The following MACROD2 variants were observed in gnomAD, a reference collection of about 807,000 sequenced individuals.
The protein encoded by MACROD2 is ADP-ribose glycohydrolase MACROD2.
Under a neutral mutation model 70.4 loss-of-function variants are expected in MACROD2, and 36 were observed. The observed-to-expected ratio is 0.51, with a 90% CI of 0.39 to 0.68. The LOEUF (loss-of-function observed/expected upper bound fraction) is 0.68, where lower values mean the gene tolerates loss of function less well. Ranked by LOEUF, MACROD2 falls within the 30% of genes least tolerant of loss-of-function variation. The pLI, the probability that MACROD2 is intolerant of heterozygous loss-of-function variation, is 0.00. For synonymous variants in MACROD2, 172 were observed against 178.8 expected, an observed-to-expected ratio of 0.96 and a Z score of 0.30; for missense variants, 496 against 538.4, an observed-to-expected ratio of 0.92 and a Z score of 0.78.
In MACROD2 at chr20:15,222,265, C is replaced by T. The variant is rs1007039074; in HGVS notation, c.419-7675C>T. Among the ~76,000 whole-genome samples the T allele has an allele frequency of 1.3e-4, 20 of 152,170 alleles. No homozygotes were observed. In the East Asian group the frequency reaches 2.9e-3, roughly 22 times the overall value. On this transcript the variant is annotated intron_variant, in intron 5 of 17. Transcript: ENST00000684519. ...TGAAGTACATTTTCAATGATATCTT[C>T]GGCAGATTGAAAAGGAACATCTTAT...
At chr20:14,260,880 G>T (rs2082096100) in intron 3 of MACROD2, among the ~76,000 whole-genome samples, 1 of 152,160 alleles carries the variant, frequency 6.6e-6, no homozygotes, top group Non-Finnish European at 1.5e-5. Flanking sequence ...ACTTTATGTG[G>T]AAGGCCTATT....
At chr20:14,402,494 G>A (rs1159165652) in intron 3 of MACROD2, among the ~76,000 whole-genome samples, 1 of 151,930 alleles carries the variant, frequency 6.6e-6, no homozygotes, top group Non-Finnish European at 1.5e-5. Flanking sequence ...CATCATAGGG[G>A]AAATGTATGT....
At chr20:15,403,455 G>A (rs2045957625) in intron 6 of MACROD2, among the ~76,000 whole-genome samples, 2 of 139,610 alleles carry the variant, frequency 1.4e-5, no homozygotes. Context: ...GGAGGAGGAG[G>A]AGAGAGATTG....
chr20:15,353,160 G>C (rs1180002621), intron 6 of MACROD2, among the ~76,000 whole-genome samples: 1 of 150,566 alleles, frequency 6.6e-6, no homozygotes, highest in Non-Finnish European at 1.5e-5. Flanking sequence ...CAGAGATATA[G>C]ATCAATGGAA....
chr20:15,531,809 A>C (rs1384446335), intron 8 of MACROD2, among the ~76,000 whole-genome samples: 1 of 152,164 alleles, frequency 6.6e-6, no homozygotes, highest in African/African-American at 2.4e-5. Flanking sequence ...TTCACTAAAG[A>C]AATATCTAAA....
At chr20:14,211,880 T>A (rs982344069) in intron 3 of MACROD2, among the ~76,000 whole-genome samples, 1 of 152,132 alleles carries the variant, frequency 6.6e-6, no homozygotes, top group African/African-American at 2.4e-5. Flanking sequence ...TAGCTTCAGG[T>A]TATCAAGCTA....
intron 6 of MACROD2, among the ~76,000 whole-genome samples, chr20:15,262,130 A>C (rs983808535): frequency 6.6e-6 from 1 of 151,988 alleles, no homozygotes; most frequent in Non-Finnish European, 1.5e-5. Context: ...ATGCTATCAA[A>C]TACTAGATCT....
Position 15,731,759 on chromosome 20 carries a change from AT to A in MACROD2, c.646-130973del, listed in dbSNP as rs372905942. Among the ~76,000 whole-genome samples the A allele has an allele frequency of 6.3e-4, 31 of 49,060 alleles. 3 individuals are homozygous for A. The highest frequency in any genetic ancestry group is 9.4e-4 in the East Asian group (3 of 3,200). 32.2% of individuals were successfully genotyped at this position (49,060 alleles called of 152,430 possible). A position where few individuals can be genotyped will look rare whatever the true frequency, so the allele number is the denominator to read the frequency against. Reference sequence around the variant, plus strand: ...TTGCAGCATTCTTTTTTTTCTTTTTATTTTTTTTTTTTTGAGACGGAGTTTC... The same window carrying A: ...TTGCAGCATTCTTTTTTTTCTTTTTATTTTTTTTTTTTGAGACGGAGTTTC... On this transcript the variant is annotated intron_variant, in intron 8 of 17. Coordinates refer to ENST00000684519, the MANE Select transcript of MACROD2 (RefSeq NM_001351661.2).
intron 5 of MACROD2, among the ~76,000 whole-genome samples, chr20:14,890,626 G>A (rs979440368): frequency 6.6e-6 from 1 of 151,888 alleles, no homozygotes; most frequent in Non-Finnish European, 1.5e-5. Flanking sequence ...GCCAGGCATG[G>A]TGGCACATTC....
intron 5 of MACROD2, among the ~76,000 whole-genome samples, chr20:15,176,113 G>T (rs190675316): frequency 6.6e-6 from 1 of 152,320 alleles, no homozygotes. Context: ...GTGCTGACAC[G>T]CCAGCCCCCT....
At chr20:15,483,507 C>T (rs944224154) in intron 7 of MACROD2, among the ~76,000 whole-genome samples, 3 of 152,088 alleles carry the variant, frequency 2.0e-5, no homozygotes, top group Non-Finnish European at 4.4e-5. Context: ...GACTGTTTTC[C>T]AATATTGTGT....
At chr20:15,845,354 A>G (rs923639901) in intron 8 of MACROD2, among the ~76,000 whole-genome samples, 1 of 152,148 alleles carries the variant, frequency 6.6e-6, no homozygotes, top group African/African-American at 2.4e-5. Context: ...ATATCTATGA[A>G]GACGGTCAGT....
chr20:14,343,065 G>A (rs2083031296), intron 3 of MACROD2, among the ~76,000 whole-genome samples: 1 of 152,068 alleles, frequency 6.6e-6, no homozygotes, highest in African/African-American at 2.4e-5. Flanking sequence ...GGGTGTGGCA[G>A]TAGCTGGTGC....
At chr20:16,001,743 C>T (rs571742469) in intron 15 of MACROD2, among the ~76,000 whole-genome samples, 1 of 152,226 alleles carries the variant, frequency 6.6e-6, no homozygotes, top group East Asian at 1.9e-4. Flanking sequence ...TAATTTACTT[C>T]ATCTGTTCTT....
chr20:14,168,911 C>CTATG lies in MACROD2; in HGVS notation c.271+83184_271+83187dup, dbSNP rs942148215. ...AAAGGACATAACAAAAAAAGGAAAA[C>CTATG]TATGGCCCAATGTCCCTGATGAACA... On this transcript the variant is annotated intron_variant, in intron 3 of 17. Transcript: ENST00000684519. Among the ~76,000 whole-genome samples, 13 of 152,284 alleles carry CTATG rather than the reference C, an allele frequency of 8.5e-5. No individual in the cohort carries two copies. The East Asian group carries it at 1.9e-3, about 23-fold the overall frequency.
At chr20:14,721,909 C>A (rs1247108652) in intron 5 of MACROD2, among the ~76,000 whole-genome samples, 1 of 152,114 alleles carries the variant, frequency 6.6e-6, no homozygotes, top group East Asian at 1.9e-4. Flanking sequence ...CTTAAGGAAC[C>A]GTGTGGTAGA....
chr20:15,369,528 T>G (rs1311164493), intron 6 of MACROD2, among the ~76,000 whole-genome samples: 1 of 152,240 alleles, frequency 6.6e-6, no homozygotes, highest in Middle Eastern at 3.2e-3. Flanking sequence ...GTATGTTTTA[T>G]ATTTGCATCT....
chr20:14,063,963 G>C (rs2053722941), intron 2 of MACROD2, among the ~76,000 whole-genome samples: 1 of 152,156 alleles, frequency 6.6e-6, no homozygotes, highest in Non-Finnish European at 1.5e-5. Context: ...CTGGGCTCAA[G>C]TGATCTTCCC....
intron 7 of MACROD2, among the ~76,000 whole-genome samples, chr20:15,447,051 CGTGTGTGTGT>C (rs57914856): frequency 3.7e-4 from 54 of 146,654 alleles, no homozygotes; most frequent in African/African-American, 1.1e-3. Context: ...TAAGAGTGTG[CGTGTGTGTGT>C]GTGTGTGTGT....
Sources: allele counts gnomAD v4.1 joint callset (sites outside exome capture counted in the v4.1 genomes callset), GRCh38; gene constraint gnomAD v4.1.1; transcripts MANE v1.5; gene names NCBI Gene and HGNC (gene_info 2026-07-23, HGNC 2026-07-21).